The following ATF7IP2 variants were observed in gnomAD, a reference collection of about 807,000 sequenced individuals.
The protein encoded by ATF7IP2 is activating transcription factor 7-interacting protein 2.
A neutral mutation model predicts 64.2 loss-of-function variants in ATF7IP2; 42 were observed. The observed-to-expected ratio is 0.65, with a 90% CI of 0.51 to 0.85. The LOEUF (loss-of-function observed/expected upper bound fraction) is 0.85, where lower values mean the gene tolerates loss of function less well. ATF7IP2 is among the 40% of genes least tolerant of loss of function. ATF7IP2 has a pLI of 0.00. For missense variants in ATF7IP2, 933 were observed against 784.2 expected, an observed-to-expected ratio of 1.19 and a Z score of -2.27; for synonymous variants, 308 against 272.8, an observed-to-expected ratio of 1.13 and a Z score of -1.27.
chr16:10,397,091 T>C (rs1447260979), intron 1 of ATF7IP2, among the ~76,000 whole-genome samples: 1 of 152,234 alleles, frequency 6.6e-6, no homozygotes, highest in Non-Finnish European at 1.5e-5. Context: ...AACTATTCTT[T>C]CCAAATTGTA....
At chr16:10,408,403 A>G (rs1334647231) in intron 1 of ATF7IP2, among the ~76,000 whole-genome samples, 1 of 152,136 alleles carries the variant, frequency 6.6e-6, no homozygotes, top group East Asian at 1.9e-4. Context: ...TTAGTTCTTT[A>G]AGGAGTCGCC....
intron 1 of ATF7IP2, among the ~76,000 whole-genome samples, chr16:10,409,034 G>C (rs576554674): frequency 1.4e-4 from 21 of 152,180 alleles, no homozygotes; most frequent in African/African-American, 4.8e-4. Context: ...TGTCATTCAC[G>C]ATCACAAGAG....
chr16:10,473,799 C>A, intron 11 of ATF7IP2, 124 bp from the exon 12 acceptor site: 1 of 660,194 alleles, frequency 1.5e-6, no homozygotes, highest in Non-Finnish European at 2.6e-6. Flanking sequence ...AGAGAATGTT[C>A]CATCTCTAGT....
intron 1 of ATF7IP2, among the ~76,000 whole-genome samples, chr16:10,409,956 A>G (rs1310423509): frequency 6.6e-6 from 1 of 152,154 alleles, no homozygotes; most frequent in East Asian, 1.9e-4. Flanking sequence ...TACCAGTAGC[A>G]TGCTGTTTTG....
At chr16:10,456,601 C>T (rs1310592473) in intron 8 of ATF7IP2, among the ~76,000 whole-genome samples, 1 of 152,172 alleles carries the variant, frequency 6.6e-6, no homozygotes, top group Admixed American at 6.5e-5. Context: ...CCATTTAGCC[C>T]CTGCCGGTGC....
intron 9 of ATF7IP2, among the ~76,000 whole-genome samples, chr16:10,466,659 T>A (rs76502220): frequency 6.6e-6 from 1 of 152,230 alleles, no homozygotes; most frequent in African/African-American, 2.4e-5. Flanking sequence ...TCTTCTTTTA[T>A]GAAGATTTTT....
chr16:10,473,243 AAG>A (rs1223872456), intron 10 of ATF7IP2, among the ~76,000 whole-genome samples: 1 of 152,240 alleles, frequency 6.6e-6, no homozygotes, highest in East Asian at 1.9e-4. Context: ...TTTTCAAAAA[AAG>A]AGTTACTAAT....
chr16:10,438,026 G>A (rs572087631), intron 6 of ATF7IP2, 75 bp from the exon 7 acceptor site: 9 of 1,194,134 alleles, frequency 7.5e-6, no homozygotes, highest in South Asian at 1.8e-5. Flanking sequence ...AAAGAGCAAG[G>A]CTTTTTAAGT....
chr16:10,467,922 C>T (rs2049641763), intron 9 of ATF7IP2, among the ~76,000 whole-genome samples: 1 of 149,136 alleles, frequency 6.7e-6, no homozygotes, highest in African/African-American at 2.5e-5. Context: ...TCTTGTTGTC[C>T]AGGCTAGAGT....
chr16:10,428,837 T>C (rs1392498350), intron 3 of ATF7IP2, 31 bp from the exon 4 acceptor site: 1 of 152,144 alleles, frequency 6.6e-6, no homozygotes, highest in Non-Finnish European at 1.5e-5. Context: ...AATTATAAAT[T>C]CACCATATAT....
Position 10,438,132 on chromosome 16 carries a change from G to A in ATF7IP2, c.992G>A (p.Ser331Asn), listed in dbSNP as rs1468672992. The A allele has an allele frequency of 1.3e-6, 2 of 1,591,564 alleles. No individual in the cohort carries two copies. The highest frequency in any genetic ancestry group is 2.7e-5 in the African/African-American group (2 of 73,408). Reference sequence around the variant, plus strand: ...CATTTGATTCAGCAGGAGATCTATAGCATAAATTATGAACTATTTGATAAG... The same window carrying A: ...CATTTGATTCAGCAGGAGATCTATAACATAAATTATGAACTATTTGATAAG... The part of the protein sequence containing the change: ...VRHLIQQEIY[S>N]INYELFDKKL... The change falls in exon 7 of 14, where the codon AGC becomes AAC. Residue 331 changes from serine to asparagine, a missense_variant. Ser to Asn is a conservative substitution (Grantham distance 46). Transcript: ENST00000562102.
At chr16:10,392,971 C>T (rs1311764540) in intron 1 of ATF7IP2, among the ~76,000 whole-genome samples, 5 of 151,798 alleles carry the variant, frequency 3.3e-5, no homozygotes, top group Non-Finnish European at 4.4e-5. Flanking sequence ...TGAGCAACAA[C>T]GTGAATCCAT....
intron 8 of ATF7IP2, among the ~76,000 whole-genome samples, chr16:10,441,204 T>C (rs1313744285): frequency 6.6e-6 from 1 of 152,208 alleles, no homozygotes; most frequent in Admixed American, 6.5e-5. Context: ...AGTGCTGCAA[T>C]AAACGTACGT....
At chr16:10,472,229 T>G in intron 10 of ATF7IP2, 46 bp downstream of exon 10, 1 of 966,444 alleles carries the variant, frequency 1.0e-6, no homozygotes, top group Non-Finnish European at 1.5e-6. Flanking sequence ...TTAGAAGGCC[T>G]TAAATCAATG....
intron 8 of ATF7IP2, 80 bp downstream of exon 8, chr16:10,440,542 C>T (rs2141926996): frequency 1.2e-6 from 1 of 808,964 alleles, no homozygotes; most frequent in Non-Finnish European, 1.9e-6. Context: ...AATATATTTC[C>T]AGGCTAGGAC....
rs150832019 is a variant in ATF7IP2, at chr16:10,391,205, C to T, written c.-242+5083C>T. Reference sequence around the variant, plus strand: ...GCGTGGGGGCTCACACCTGTAATCCCAGTACTTTGGGAGGCTGAGGTGGGT... The same window carrying T: ...GCGTGGGGGCTCACACCTGTAATCCTAGTACTTTGGGAGGCTGAGGTGGGT... On this transcript the variant is annotated intron_variant, in intron 1 of 13. Coordinates refer to ENST00000562102, the MANE Select transcript of ATF7IP2 (RefSeq NM_001393719.1). 4.2e-3 allele frequency among the ~76,000 whole-genome samples: 628 copies of T among 150,104 alleles called. 2 individuals carry two copies. Among genetic ancestry groups the T allele is most frequent in the African/African-American group, 0.015 (606 of 40,710 alleles).
rs778633925 is a variant in ATF7IP2, at chr16:10,438,127, C to T, written c.987C>T (p.Ile329=). Residue 329 remains isoleucine, a synonymous_variant, in exon 7 of 14, where the codon ATC becomes ATT. Coordinates refer to ENST00000562102, the MANE Select transcript of ATF7IP2 (RefSeq NM_001393719.1). ...TCAGACATTTGATTCAGCAGGAGAT[C>T]TATAGCATAAATTATGAACTATTTG... The part of the protein sequence containing the change: ...EQVRHLIQQE[I]YSINYELFDK... 6.3e-7 allele frequency: 1 copy of T among 1,586,526 alleles called. No homozygotes were observed. The highest frequency in any genetic ancestry group is 1.8e-5 in the Admixed American group (1 of 55,462).
intron 1 of ATF7IP2, among the ~76,000 whole-genome samples, chr16:10,395,570 C>T (rs950933973): frequency 5.9e-5 from 9 of 151,896 alleles, no homozygotes; most frequent in Non-Finnish European, 1.0e-4. Context: ...TTGAAATTAA[C>T]ATAAAAGGAT....
chr16:10,395,224 A>G (rs936641156), intron 1 of ATF7IP2, among the ~76,000 whole-genome samples: 4 of 152,150 alleles, frequency 2.6e-5, no homozygotes, highest in African/African-American at 9.6e-5. Flanking sequence ...CATTTAATAG[A>G]TGAAACAGAC....
Sources: gnomAD v4.1 joint callset for allele counts (sites outside exome capture counted in the v4.1 genomes callset) on GRCh38, gnomAD v4.1.1 for gene constraint, MANE v1.5 for transcripts, NCBI Gene and HGNC (gene_info 2026-07-23, HGNC 2026-07-21) for gene names.